NRXN3: variants seen among roughly 807,000 people sequenced by gnomAD.
The protein encoded by NRXN3 is neurexin III.
Under a neutral mutation model 137.6 loss-of-function variants are expected in NRXN3, and 32 were observed. The ratio of observed to expected loss-of-function variants is 0.23; its 90% CI spans 0.18 to 0.31. The LOEUF is 0.31. Among genes scored for constraint, NRXN3 ranks in the 10% least tolerant of loss-of-function variants. The probability of loss-of-function intolerance (pLI) is 1.00; values close to 1 mark genes in which losing one functional copy is unlikely to be tolerated. For missense variants in NRXN3, 1,574 were observed against 2,062.5 expected (o/e 0.76, Z 4.59); for synonymous variants, 798 against 784.5 (o/e 1.02, Z -0.29).
intron 4 of NRXN3, among the ~76,000 whole-genome samples, chr14:78,552,188 C>T (rs1027563821): frequency 6.6e-6 from 1 of 152,204 alleles, no homozygotes; most frequent in Non-Finnish European, 1.5e-5. Context: ...TCCAGAGCCT[C>T]AGTAACATTT....
At chr14:78,617,629 A>G (rs562912796) in intron 4 of NRXN3, among the ~76,000 whole-genome samples, 172 of 152,124 alleles carry the variant, frequency 1.1e-3, no homozygotes, top group African/African-American at 3.9e-3. Context: ...TGCACAAACA[A>G]GGAAGAAGCT....
intron 4 of NRXN3, among the ~76,000 whole-genome samples, chr14:78,351,617 A>G (rs1473626471): frequency 2.0e-5 from 3 of 151,728 alleles, no homozygotes; most frequent in Non-Finnish European, 4.4e-5. Flanking sequence ...TCTGTGAGTT[A>G]TTTGTTCATA....
chr14:78,325,204 A>G (rs1338501821), intron 4 of NRXN3, among the ~76,000 whole-genome samples: 1 of 152,050 alleles, frequency 6.6e-6, no homozygotes, highest in Non-Finnish European at 1.5e-5. Flanking sequence ...TTATCCTTCC[A>G]TAATTTGAAC....
intron 16 of NRXN3, among the ~76,000 whole-genome samples, chr14:79,490,991 G>A (rs926084240): frequency 6.6e-6 from 1 of 152,038 alleles, no homozygotes; most frequent in Non-Finnish European, 1.5e-5. Context: ...TCCTTCAAAC[G>A]AAGTGGCTAT....
chr14:78,609,922 A>G (rs2097285428), intron 4 of NRXN3, among the ~76,000 whole-genome samples: 1 of 152,002 alleles, frequency 6.6e-6, no homozygotes, highest in Non-Finnish European at 1.5e-5. Flanking sequence ...ATGCAAGTCC[A>G]TGCATGGTAC....
chr14:79,178,274 T>C (rs921281934), intron 15 of NRXN3, among the ~76,000 whole-genome samples: 2 of 152,252 alleles, frequency 1.3e-5, no homozygotes, highest in African/African-American at 4.8e-5. Context: ...AAAAAAATTA[T>C]GTAATGACCA....
chr14:79,732,808 C>A (rs1026208843), intron 19 of NRXN3, among the ~76,000 whole-genome samples: 1 of 152,156 alleles, frequency 6.6e-6, no homozygotes, highest in Non-Finnish European at 1.5e-5. Flanking sequence ...AAATTTCTTT[C>A]ACTTTCTATA....
At chr14:79,604,706 G>A (rs1312542720) in intron 16 of NRXN3, among the ~76,000 whole-genome samples, 1 of 152,294 alleles carries the variant, frequency 6.6e-6, no homozygotes, top group African/African-American at 2.4e-5. Flanking sequence ...ATATCTCAGA[G>A]CAGAAGCTCT....
At chr14:79,006,392 T>C (rs2099552978) in intron 15 of NRXN3, among the ~76,000 whole-genome samples, 1 of 152,160 alleles carries the variant, frequency 6.6e-6, no homozygotes, top group South Asian at 2.1e-4. Flanking sequence ...TCAGTACTGG[T>C]AATTTTAGGG....
intron 19 of NRXN3, among the ~76,000 whole-genome samples, chr14:79,798,381 A>G (rs1238817123): frequency 6.6e-6 from 1 of 152,248 alleles, no homozygotes; most frequent in Non-Finnish European, 1.5e-5. Flanking sequence ...CTCCAACTCC[A>G]TCTCAGAATG....
intron 15 of NRXN3, among the ~76,000 whole-genome samples, chr14:79,293,855 G>C (rs540756978): frequency 6.6e-6 from 1 of 152,232 alleles, no homozygotes; most frequent in Non-Finnish European, 1.5e-5. Context: ...TTTGATGAGA[G>C]CTTTTGAGCC....
chr14:79,427,251 A>G (rs1430445291), intron 15 of NRXN3, among the ~76,000 whole-genome samples: 2 of 152,186 alleles, frequency 1.3e-5, no homozygotes, highest in African/African-American at 2.4e-5. Flanking sequence ...TCTCTAGTGT[A>G]CCAGATGAAA....
chr14:79,660,318 T>C (rs1332314272), intron 16 of NRXN3, among the ~76,000 whole-genome samples: 2 of 151,014 alleles, frequency 1.3e-5, no homozygotes, highest in East Asian at 3.9e-4. Flanking sequence ...GACAAGGAGG[T>C]TGCAGTAATG....
chr14:79,234,119 C>G (rs2153293344), intron 15 of NRXN3, among the ~76,000 whole-genome samples: 1 of 150,934 alleles, frequency 6.6e-6, no homozygotes. Context: ...CAAAAATGTG[C>G]TTACTGGGGC....
chr14:78,171,243 G>T (rs1457529536), intron 1 of NRXN3, among the ~76,000 whole-genome samples: 1 of 149,406 alleles, frequency 6.7e-6, no homozygotes, highest in Non-Finnish European at 1.5e-5. Flanking sequence ...TTTTGAGGGG[G>T]TGTGAGGAGG....
At chr14:79,673,582 C>T (rs577676656) in intron 17 of NRXN3, among the ~76,000 whole-genome samples, 4 of 152,214 alleles carry the variant, frequency 2.6e-5, no homozygotes, top group African/African-American at 9.6e-5. Context: ...CCCCTATCCT[C>T]ATCACCGGGG....
intron 6 of NRXN3, among the ~76,000 whole-genome samples, chr14:78,700,583 C>A (rs1238046505): frequency 6.6e-6 from 1 of 152,142 alleles, no homozygotes; most frequent in African/African-American, 2.4e-5. Flanking sequence ...ACTACACCCC[C>A]TACTTGCCAG....
intron 20 of NRXN3, among the ~76,000 whole-genome samples, chr14:79,834,778 TG>T (rs2099332984): frequency 6.6e-6 from 1 of 152,126 alleles, no homozygotes; most frequent in Non-Finnish European, 1.5e-5. Context: ...CATCTTCCTG[TG>T]GAGCATTTGT....
intron 16 of NRXN3, among the ~76,000 whole-genome samples, chr14:79,606,669 A>G (rs932796116): frequency 3.9e-5 from 6 of 152,328 alleles, no homozygotes; most frequent in Admixed American, 3.3e-4. Context: ...ATTTTAATAA[A>G]TGGGTTGTGC....
Sources: allele counts gnomAD v4.1 joint callset (sites outside exome capture counted in the v4.1 genomes callset), GRCh38; gene constraint gnomAD v4.1.1; transcripts MANE v1.5; gene names NCBI Gene and HGNC (gene_info 2026-07-23, HGNC 2026-07-21).